The following MYO16 variants were observed in gnomAD, a reference collection of about 807,000 sequenced individuals.
The protein encoded by MYO16 is unconventional myosin-XVI.
Under a neutral mutation model 205.3 loss-of-function variants are expected in MYO16, and 94 were observed. The ratio of observed to expected loss-of-function variants is 0.46; its 90% CI spans 0.39 to 0.54. The LOEUF (loss-of-function observed/expected upper bound fraction) is 0.54, where lower values mean the gene tolerates loss of function less well. Ranked by LOEUF, MYO16 falls within the 20% of genes least tolerant of loss-of-function variation. MYO16 has a pLI of 0.00. For missense variants in MYO16, 2,315 were observed against 2,387.5 expected, an observed-to-expected ratio of 0.97 and a Z score of 0.63; for synonymous variants, 988 against 954.0, an observed-to-expected ratio of 1.04 and a Z score of -0.66.
At chr13:109,011,777 G>T (rs770436463) in intron 22 of MYO16, among the ~76,000 whole-genome samples, 3 of 152,056 alleles carry the variant, frequency 2.0e-5, no homozygotes, top group Non-Finnish European at 4.4e-5. Flanking sequence ...CTCCCAAAGT[G>T]CTGGGATTAC....
chr13:108,614,354 C>A (rs941553969), intron 1 of MYO16, among the ~76,000 whole-genome samples: 1 of 152,002 alleles, frequency 6.6e-6, no homozygotes, highest in Non-Finnish European at 1.5e-5. Flanking sequence ...GCATTCTTTT[C>A]CATGGATTGA....
chr13:108,720,911 T>C (rs1279027072), intron 3 of MYO16, among the ~76,000 whole-genome samples: 1 of 152,134 alleles, frequency 6.6e-6, no homozygotes, highest in Non-Finnish European at 1.5e-5. Flanking sequence ...TACTGAGTGA[T>C]AGATTTCAGG....
chr13:108,924,729 G>A (rs1333289647), intron 16 of MYO16, among the ~76,000 whole-genome samples: 1 of 152,096 alleles, frequency 6.6e-6, no homozygotes, highest in Non-Finnish European at 1.5e-5. Context: ...CACCCACAGG[G>A]GTCTTCCCAG....
chr13:109,165,094 A>C, intron 33 of MYO16, 35 bp downstream of exon 33: 7 of 1,531,756 alleles, frequency 4.6e-6, no homozygotes, highest in Non-Finnish European at 5.3e-6. Flanking sequence ...TAAATGTACA[A>C]AAGTTTTAGG....
intron 4 of MYO16, among the ~76,000 whole-genome samples, chr13:108,773,984 G>A (rs1381912369): frequency 6.6e-6 from 1 of 152,078 alleles, no homozygotes; most frequent in Non-Finnish European, 1.5e-5. Context: ...CCAAGCCCTT[G>A]GGAGTCTGTG....
chr13:109,102,863 TG>T (rs766397420), intron 28 of MYO16, among the ~76,000 whole-genome samples: 107 of 152,256 alleles, frequency 7.0e-4, no homozygotes, highest in Non-Finnish European at 1.3e-3. Flanking sequence ...TCCCATTTCA[TG>T]GCACTAATCT....
intron 16 of MYO16, among the ~76,000 whole-genome samples, chr13:108,948,624 A>T (rs1206118940): frequency 6.6e-6 from 1 of 152,202 alleles, no homozygotes; most frequent in African/African-American, 2.4e-5. Flanking sequence ...CAATGTTTGT[A>T]TTTGATCTTT....
At chr13:108,864,537 T>C (rs994286416) in intron 11 of MYO16, among the ~76,000 whole-genome samples, 2 of 152,114 alleles carry the variant, frequency 1.3e-5, no homozygotes, top group Non-Finnish European at 2.9e-5. Flanking sequence ...GTTTTTGTTT[T>C]TGTGTTTTTG....
intron 9 of MYO16, among the ~76,000 whole-genome samples, chr13:108,838,360 A>T (rs1877038185): frequency 6.6e-6 from 1 of 152,128 alleles, no homozygotes; most frequent in Admixed American, 6.6e-5. Flanking sequence ...AAATTATAAA[A>T]AAAATAGGGA....
intron 2 of MYO16, among the ~76,000 whole-genome samples, chr13:108,680,269 T>C (rs1882407138): frequency 6.6e-6 from 1 of 152,254 alleles, no homozygotes; most frequent in Non-Finnish European, 1.5e-5. Flanking sequence ...GTTTCTCACA[T>C]ATTACAGATG....
At chr13:108,634,351 G>A (rs1230950047) in intron 1 of MYO16, among the ~76,000 whole-genome samples, 4 of 152,120 alleles carry the variant, frequency 2.6e-5, no homozygotes, top group Admixed American at 6.5e-5. Context: ...AGGCCAGTGC[G>A]CTTGCAATTC....
At chr13:108,827,228 G>A (rs1036974094) in intron 9 of MYO16, among the ~76,000 whole-genome samples, 2 of 151,940 alleles carry the variant, frequency 1.3e-5, no homozygotes, top group African/African-American at 2.4e-5. Context: ...CTATTCCTTT[G>A]CATTCTAAAG....
At position 109,207,556 on chromosome 13, in the gene MYO16, G is replaced by A. The variant is rs144160286; in HGVS notation, c.*720G>A. ...GGTGTTACTCATGGATGAGGAGGCTGTTCTTTCCTATGCCCTGTATTTCTG... is the reference window on the plus strand; with the variant it reads ...GGTGTTACTCATGGATGAGGAGGCTATTCTTTCCTATGCCCTGTATTTCTG... On this transcript the variant is annotated 3_prime_UTR_variant, in exon 35 of 35. Transcript: ENST00000457511. 4.0e-3 allele frequency: 611 copies of A among 152,182 alleles called. 3 individuals carry two copies. The highest frequency in any genetic ancestry group is 0.014 in the African/African-American group (574 of 41,500). The allele number at this position is 152,182 out of a possible 1,614,324, so 9.4% of individuals were successfully genotyped here. A position where few individuals can be genotyped will look rare whatever the true frequency, so the allele number is the denominator to read the frequency against.
chr13:108,624,374 C>A (rs961801272), intron 1 of MYO16, among the ~76,000 whole-genome samples: 4 of 152,138 alleles, frequency 2.6e-5, no homozygotes, highest in African/African-American at 9.7e-5. Context: ...TTTATTCCCT[C>A]AAACTGATTG....
rs1880641900 is a variant in MYO16, at chr13:108,644,346, A to ATCTG, written c.28+14477_28+14478insGTCT. Among the ~76,000 whole-genome samples, 11 of 127,398 alleles carry ATCTG rather than the reference A, an allele frequency of 8.6e-5. No homozygotes were observed. The South Asian group carries it at 3.3e-3, about 39-fold the overall frequency. The allele number at this position is 127,398 out of a possible 152,430, so 83.6% of individuals were successfully genotyped here. On this transcript the variant is annotated intron_variant, in intron 1 of 34. Transcript: ENST00000457511. ...AAATGGTTGGAGCATTTATTCTACC[A>ATCTG]TCTATCTGTCTGTCTGTCTATCTAT...
intron 1 of MYO16, among the ~76,000 whole-genome samples, chr13:108,621,747 G>A (rs1879551485): frequency 6.6e-6 from 1 of 152,078 alleles, no homozygotes; most frequent in Non-Finnish European, 1.5e-5. Flanking sequence ...TCAGGCATCA[G>A]TAGGCATTTT....
chr13:108,638,027 A>G (rs1008421812), intron 1 of MYO16, among the ~76,000 whole-genome samples: 8 of 152,180 alleles, frequency 5.3e-5, no homozygotes, highest in African/African-American at 1.9e-4. Flanking sequence ...AATGTGAGAA[A>G]AATAAAGGTG....
At position 109,201,957 on chromosome 13, in the gene MYO16, CAT is replaced by C. The variant is rs370985581; in HGVS notation, c.5416-4639_5416-4638del. ...TTTTTATGCCAGAGTAGTATTCCAT[CAT>C]ATATATATATATGTACACACACACA... On this transcript the variant is annotated intron_variant, in intron 34 of 34. Coordinates refer to ENST00000457511, the MANE Select transcript of MYO16 (RefSeq NM_001198950.3). 5.5e-3 allele frequency among the ~76,000 whole-genome samples: 821 copies of C among 150,188 alleles called. 9 individuals carry two copies. Among genetic ancestry groups the C allele is most frequent in the African/African-American group, 0.018 (753 of 41,020 alleles).
At chr13:109,086,423 T>C (rs1448631571) in intron 27 of MYO16, among the ~76,000 whole-genome samples, 1 of 152,232 alleles carries the variant, frequency 6.6e-6, no homozygotes, top group Admixed American at 6.5e-5. Flanking sequence ...ATATGTGTTG[T>C]GTCAAAGGCA....
Sources: gnomAD v4.1 joint callset for allele counts (sites outside exome capture counted in the v4.1 genomes callset) on GRCh38, gnomAD v4.1.1 for gene constraint, MANE v1.5 for transcripts, NCBI Gene and HGNC (gene_info 2026-07-23, HGNC 2026-07-21) for gene names.